Variants in STAU2 observed in about 807,000 individuals in gnomAD.
The protein encoded by STAU2 is staufen double-stranded RNA binding protein 2, also known as double-stranded RNA-binding protein Staufen homolog 2.
In STAU2, 20 loss-of-function variants were observed where a neutral mutation model predicts 65.9. The observed-to-expected ratio is 0.30, with a 90% confidence interval of 0.21 to 0.44. The LOEUF (loss-of-function observed/expected upper bound fraction) is 0.44, where lower values mean the gene tolerates loss of function less well. Ranked by LOEUF, STAU2 falls within the 20% of genes least tolerant of loss-of-function variation. STAU2 has a pLI of 1.00. For synonymous variants in STAU2, 232 were observed against 233.9 expected (o/e 0.99, Z 0.07); for missense variants, 558 against 683.9 (o/e 0.82, Z 2.05).
At chr8:73,505,977 C>G (rs184463574) in intron 13 of STAU2, among the ~76,000 whole-genome samples, 1 of 152,196 alleles carries the variant, frequency 6.6e-6, no homozygotes, top group African/African-American at 2.4e-5. Context: ...CGCCATGTGA[C>G]ACGCCTGCTC....
intron 13 of STAU2, among the ~76,000 whole-genome samples, chr8:73,548,390 C>G: frequency 6.6e-6 from 1 of 151,986 alleles, no homozygotes; most frequent in East Asian, 1.9e-4. Flanking sequence ...AGCCACCACC[C>G]CCCCACTTCC....
chr8:73,590,862 C>T (rs888390744), intron 11 of STAU2: 1 of 153,536 alleles, frequency 6.5e-6, no homozygotes, highest in Non-Finnish European at 1.4e-5. Flanking sequence ...TCCTGACTGC[C>T]ATGAGGAAAG....
At chr8:73,698,923 T>TAAAAAAAAA in intron 4 of STAU2, among the ~76,000 whole-genome samples, 1 of 129,062 alleles carries the variant, frequency 7.7e-6, no homozygotes, top group Non-Finnish European at 1.6e-5. Context: ...CTTAAAACAT[T>TAAAAAAAAA]AAAAAAAAAA....
At chr8:73,738,198 T>C (rs544983841) in intron 3 of STAU2, 86 bp downstream of exon 3, 31 of 1,223,090 alleles carry the variant, frequency 2.5e-5, no homozygotes, top group Admixed American at 1.1e-4. Context: ...GTTACAGTTA[T>C]AGAAAAGAAA....
At chr8:73,746,233 G>A (rs551439118) in intron 1 of STAU2, among the ~76,000 whole-genome samples, 66 of 151,786 alleles carry the variant, frequency 4.3e-4, no homozygotes, top group Admixed American at 5.9e-4. Flanking sequence ...GCCACCCTCC[G>A]GCGCGCCCCG....
intron 6 of STAU2, among the ~76,000 whole-genome samples, chr8:73,642,648 CTTTAT>C (rs572556945): frequency 1.1e-3 from 171 of 152,248 alleles, no homozygotes; most frequent in African/African-American, 4.0e-3. Flanking sequence ...CACTGCTTTT[CTTTAT>C]TTTATCTGCT....
At chr8:73,425,818 A>G (rs1816776993) in intron 13 of STAU2, among the ~76,000 whole-genome samples, 1 of 151,270 alleles carries the variant, frequency 6.6e-6, no homozygotes. Flanking sequence ...TTTGAGATGG[A>G]GTCTTACTCT....
chr8:73,713,696 G>GA lies in STAU2; in HGVS notation c.-17-4535dup, dbSNP rs542741396. ...AACTGGCAGAATACAGAACGCATGAGAAAAAACAGCAGAATAAAACTATGT... is the reference window on the plus strand; with the variant it reads ...AACTGGCAGAATACAGAACGCATGAGAAAAAAACAGCAGAATAAAACTATGT... On this transcript the variant is annotated intron_variant, in intron 3 of 14. Transcript: ENST00000524300. 2.5e-3 allele frequency among the ~76,000 whole-genome samples: 382 copies of GA among 152,154 alleles called. 1 individual carries two copies. The highest frequency in any genetic ancestry group is 4.2e-3 in the Non-Finnish European group (287 of 67,998).
chr8:73,712,249 T>C (rs1820950260), intron 3 of STAU2, among the ~76,000 whole-genome samples: 1 of 152,184 alleles, frequency 6.6e-6, no homozygotes, highest in Admixed American at 6.5e-5. Flanking sequence ...AGAGACCTAC[T>C]TAGAAGTAAA....
At chr8:73,576,203 T>C (rs1358606620) in intron 12 of STAU2, among the ~76,000 whole-genome samples, 2 of 152,136 alleles carry the variant, frequency 1.3e-5, no homozygotes, top group South Asian at 2.1e-4. Context: ...TTCATAATAA[T>C]ATTGTTTATA....
At chr8:73,436,002 A>G (rs1162685104) in intron 13 of STAU2, among the ~76,000 whole-genome samples, 1 of 151,938 alleles carries the variant, frequency 6.6e-6, no homozygotes, top group Non-Finnish European at 1.5e-5. Context: ...GTCCTTTGAT[A>G]TTCGACTCCA....
chr8:73,592,035 A>AT (rs1245804864), intron 11 of STAU2, among the ~76,000 whole-genome samples: 3 of 151,674 alleles, frequency 2.0e-5, no homozygotes, highest in African/African-American at 7.2e-5. Context: ...TCTCAGATGT[A>AT]TAGCCTAAGC....
intron 6 of STAU2, among the ~76,000 whole-genome samples, chr8:73,629,069 T>G (rs917958587): frequency 2.6e-5 from 4 of 152,244 alleles, no homozygotes; most frequent in African/African-American, 9.6e-5. Flanking sequence ...TCTCTTTCAC[T>G]CAAATCTAAA....
intron 13 of STAU2, among the ~76,000 whole-genome samples, chr8:73,492,120 C>T (rs1202308924): frequency 6.6e-6 from 1 of 151,672 alleles, no homozygotes; most frequent in Non-Finnish European, 1.5e-5. Flanking sequence ...TTTCTACTTT[C>T]AACATTTAGG....
chr8:73,685,906 T>C, intron 5 of STAU2, among the ~76,000 whole-genome samples: 1 of 152,124 alleles, frequency 6.6e-6, no homozygotes, highest in Non-Finnish European at 1.5e-5. Context: ...CCAGCCCAAA[T>C]GCCCACCAAT....
At chr8:73,655,362 T>C (rs1816272115) in intron 6 of STAU2, among the ~76,000 whole-genome samples, 2 of 152,308 alleles carry the variant, frequency 1.3e-5, no homozygotes, top group South Asian at 2.1e-4. Context: ...ACTCAAAAAA[T>C]ACATAAATTC....
At chr8:73,550,961 C>T (rs1183917688) in intron 13 of STAU2, 2 of 985,188 alleles carry the variant, frequency 2.0e-6, no homozygotes, top group East Asian at 1.1e-4. Flanking sequence ...TCATTCTACA[C>T]AATACAGATC....
Position 73,522,328 on chromosome 8 carries a change from A to G in STAU2, c.1530+29684T>C, listed in dbSNP as rs148415556. Among the ~76,000 whole-genome samples the G allele has an allele frequency of 7.7e-4, 117 of 152,356 alleles. 2 individuals are homozygous for G. Among genetic ancestry groups the G allele is most frequent in the African/African-American group, 2.8e-3 (115 of 41,592 alleles). ...CATGACAGAGTCAAGAATAATACTT[A>G]GTGAGTTATATCAAGCTAGGAGATT... is the stretch of plus-strand genomic sequence containing the variant. On this transcript the variant is annotated intron_variant, in intron 13 of 14. Coordinates refer to ENST00000524300, the MANE Select transcript of STAU2 (RefSeq NM_001164380.2).
intron 13 of STAU2, among the ~76,000 whole-genome samples, chr8:73,471,911 A>G (rs1820056883): frequency 6.6e-6 from 1 of 151,926 alleles, no homozygotes; most frequent in Non-Finnish European, 1.5e-5. Flanking sequence ...ACTCTCTTGT[A>G]ATACTTGCAT....
Sources: allele counts gnomAD v4.1 joint callset (sites outside exome capture counted in the v4.1 genomes callset), GRCh38; gene constraint gnomAD v4.1.1; transcripts MANE v1.5; gene names NCBI Gene and HGNC (gene_info 2026-07-23, HGNC 2026-07-21).